ATG4C: variants seen among roughly 807,000 people sequenced by gnomAD.
ATG4C encodes the protein cysteine protease ATG4C.
Under a neutral mutation model 57.6 loss-of-function variants are expected in ATG4C, and 56 were observed. The ratio of observed to expected loss-of-function variants is 0.97; its 90% CI spans 0.78 to 1.21. The LOEUF (loss-of-function observed/expected upper bound fraction) is 1.21, where lower values mean the gene tolerates loss of function less well. Ranked by LOEUF, ATG4C falls within the 50% of genes most tolerant of loss-of-function variation. The pLI is 0.00. For synonymous variants in ATG4C, 157 were observed against 174.1 expected, an observed-to-expected ratio of 0.90 and a Z score of 0.78; for missense variants, 595 against 529.8, an observed-to-expected ratio of 1.12 and a Z score of -1.21.
chr1:62,843,389 CA>C (rs1666230815), intron 10 of ATG4C, among the ~76,000 whole-genome samples: 2 of 152,114 alleles, frequency 1.3e-5, no homozygotes, highest in African/African-American at 4.8e-5. Context: ...GTAGCAGTAT[CA>C]AAAACTCACC....
intron 1 of ATG4C, among the ~76,000 whole-genome samples, chr1:62,789,050 T>C (rs1346172097): frequency 6.6e-6 from 1 of 152,136 alleles, no homozygotes; most frequent in African/African-American, 2.4e-5. Context: ...TCTGTAGGGG[T>C]GATAAATTGA....
chr1:62,805,292 G>A (rs760709859), intron 3 of ATG4C, 37 bp downstream of exon 3: 7 of 1,465,544 alleles, frequency 4.8e-6, no homozygotes, highest in Admixed American at 2.9e-5. Flanking sequence ...AAAAATTTTT[G>A]TAGAAATCAT....
At chr1:62,830,949 A>T (rs1303034664) in intron 7 of ATG4C, among the ~76,000 whole-genome samples, 4 of 152,168 alleles carry the variant, frequency 2.6e-5, no homozygotes, top group Non-Finnish European at 5.9e-5. Context: ...TCTTTATGAA[A>T]CAGAAAAGAC....
At chr1:62,791,463 G>C (rs770174606) in intron 1 of ATG4C, among the ~76,000 whole-genome samples, 3 of 152,172 alleles carry the variant, frequency 2.0e-5, no homozygotes, top group Non-Finnish European at 4.4e-5. Context: ...GGTAATTTAT[G>C]TAAAAAAGGA....
intron 5 of ATG4C, among the ~76,000 whole-genome samples, chr1:62,820,666 T>C (rs1441044441): frequency 6.6e-6 from 1 of 152,044 alleles, no homozygotes; most frequent in East Asian, 1.9e-4. Flanking sequence ...AGGAAATTCA[T>C]TTGTTCAGGT....
At chr1:62,790,305 C>T (rs1318685986) in intron 1 of ATG4C, among the ~76,000 whole-genome samples, 1 of 152,178 alleles carries the variant, frequency 6.6e-6, no homozygotes, top group African/African-American at 2.4e-5. Context: ...CTTCCAATTC[C>T]TGTTTATATC....
intron 10 of ATG4C, among the ~76,000 whole-genome samples, chr1:62,862,035 T>C (rs1666875461): frequency 6.6e-6 from 1 of 152,220 alleles, no homozygotes. Context: ...TGCAGGATTT[T>C]ATGTGGACAT....
intron 9 of ATG4C, chr1:62,835,539 C>T (rs928328470): frequency 1.6e-5 from 3 of 182,414 alleles, no homozygotes. Context: ...ACTTGAGTGT[C>T]ATGGATCACT....
At chr1:62,808,280 A>G (rs1460114700) in intron 3 of ATG4C, among the ~76,000 whole-genome samples, 1 of 152,190 alleles carries the variant, frequency 6.6e-6, no homozygotes, top group African/African-American at 2.4e-5. Flanking sequence ...AGAGACAGAG[A>G]GGAAACAAAG....
chr1:62,816,531 A>T, intron 3 of ATG4C, 44 bp from the exon 4 acceptor site: 1 of 1,383,076 alleles, frequency 7.2e-7, no homozygotes, highest in Non-Finnish European at 9.9e-7. Context: ...TTACCATTAT[A>T]GACATTTCTC....
At chr1:62,841,709 A>G (rs1666173896) in intron 10 of ATG4C, among the ~76,000 whole-genome samples, 162 bp downstream of exon 10, 1 of 152,192 alleles carries the variant, frequency 6.6e-6, no homozygotes, top group African/African-American at 2.4e-5. Context: ...CATTTGAGGA[A>G]TCTTAGCGTT....
At chr1:62,833,359 T>C (rs762558243) in intron 7 of ATG4C, among the ~76,000 whole-genome samples, 2 of 152,162 alleles carry the variant, frequency 1.3e-5, no homozygotes, top group African/African-American at 2.4e-5. Flanking sequence ...TAAAAAGATA[T>C]AGAGTTGATT....
At chr1:62,822,334 A>G (rs976911624) in intron 6 of ATG4C, among the ~76,000 whole-genome samples, 1 of 152,162 alleles carries the variant, frequency 6.6e-6, no homozygotes, top group Non-Finnish European at 1.5e-5. Flanking sequence ...TAGGAAAAGA[A>G]AAGGTCTAAA....
chr1:62,850,889 T>C (rs1428521891), intron 10 of ATG4C, among the ~76,000 whole-genome samples: 3 of 80,490 alleles, frequency 3.7e-5, no homozygotes, highest in Non-Finnish European at 7.5e-5. Flanking sequence ...TATATATATA[T>C]ATATATATAT....
chr1:62,800,176 G>C (rs574466597), intron 1 of ATG4C, among the ~76,000 whole-genome samples: 2 of 152,252 alleles, frequency 1.3e-5, no homozygotes, highest in East Asian at 3.9e-4. Flanking sequence ...GAACCAAAAA[G>C]TCTTCCCTGT....
chr1:62,792,862 C>T (rs1336234864), intron 1 of ATG4C, among the ~76,000 whole-genome samples: 1 of 150,190 alleles, frequency 6.7e-6, no homozygotes, highest in Non-Finnish European at 1.5e-5. Context: ...AACCAGAGAG[C>T]AGATCACAGC....
At chr1:62,811,697 C>A (rs1461751352) in intron 3 of ATG4C, among the ~76,000 whole-genome samples, 2 of 152,006 alleles carry the variant, frequency 1.3e-5, no homozygotes, top group African/African-American at 2.4e-5. Context: ...TCTGATATAC[C>A]CATTGTATCT....
intron 1 of ATG4C, among the ~76,000 whole-genome samples, chr1:62,802,648 A>G (rs1296278431): frequency 6.6e-6 from 1 of 152,130 alleles, no homozygotes; most frequent in Non-Finnish European, 1.5e-5. Flanking sequence ...TTTGAAACAA[A>G]TTGCTCTTAG....
chr1:62,836,763 G>A (rs1264034313), intron 9 of ATG4C, among the ~76,000 whole-genome samples: 3 of 152,024 alleles, frequency 2.0e-5, no homozygotes, highest in South Asian at 2.1e-4. Flanking sequence ...TTTTGGGTCA[G>A]TATTTTTTTG....
Sources: gnomAD v4.1 joint callset for allele counts (sites outside exome capture counted in the v4.1 genomes callset) on GRCh38, gnomAD v4.1.1 for gene constraint, MANE v1.5 for transcripts, NCBI Gene and HGNC (gene_info 2026-07-23, HGNC 2026-07-21) for gene names.